Variants in ZNF521 observed in about 807,000 individuals in gnomAD.
ZNF521 encodes the protein zinc finger protein 521, also known as LYST-interacting protein 3.
In ZNF521, 14 loss-of-function variants were observed where a neutral mutation model predicts 105.5. The ratio of observed to expected loss-of-function variants is 0.13; its 90% CI spans 0.09 to 0.21. The LOEUF (loss-of-function observed/expected upper bound fraction) is 0.21. Among genes scored for constraint, ZNF521 ranks in the 10% least tolerant of loss-of-function variants. The probability of loss-of-function intolerance (pLI) is 1.00; values close to 1 mark genes in which losing one functional copy is unlikely to be tolerated. For synonymous variants in ZNF521, 635 were observed against 606.0 expected (o/e 1.05, Z -0.70); for missense variants, 1,233 against 1,629.7 (o/e 0.76, Z 4.19).
chr18:25,229,932 C>T (rs973125520), intron 3 of ZNF521, among the ~76,000 whole-genome samples: 2 of 152,138 alleles, frequency 1.3e-5, no homozygotes, highest in African/African-American at 2.4e-5. Flanking sequence ...TTTACAAATA[C>T]ATAAAGAATT....
intron 5 of ZNF521, among the ~76,000 whole-genome samples, chr18:25,105,686 C>A (rs1162124286): frequency 6.6e-6 from 1 of 152,102 alleles, no homozygotes; most frequent in Non-Finnish European, 1.5e-5. Flanking sequence ...TACTGATTTG[C>A]TTGAAGTGAT....
At position 25,062,689 on chromosome 18, in the gene ZNF521, C is replaced by T; in HGVS notation, c.*23G>A. 6.9e-7 allele frequency: 1 copy of T among 1,452,218 alleles called. No individual in the cohort carries two copies. Among genetic ancestry groups the T allele is most frequent in the South Asian group, 1.2e-5 (1 of 85,118 alleles). The allele number at this position is 1,452,218 out of a possible 1,614,324, so 90.0% of individuals were successfully genotyped here. On this transcript the variant is annotated 3_prime_UTR_variant, in exon 8 of 8. Transcript: ENST00000361524. ...CCCTTTTTGTGCCACAAAATCAATT[C>T]TCCTTGAGAGACTGTACTTGCACTA... is the stretch of plus-strand genomic sequence containing the variant.
intron 5 of ZNF521, among the ~76,000 whole-genome samples, chr18:25,130,760 T>C (rs939049883): frequency 3.3e-5 from 5 of 151,970 alleles, no homozygotes; most frequent in Admixed American, 6.6e-5. Context: ...CTGGGCAACA[T>C]AGCGAGACCC....
intron 2 of ZNF521, among the ~76,000 whole-genome samples, chr18:25,338,259 T>TTTTGTGTGTGTGTGTG (rs1555666852): frequency 7.3e-6 from 1 of 136,510 alleles, no homozygotes; most frequent in African/African-American, 2.7e-5. Flanking sequence ...TCATAGACTT[T>TTTTGTGTGTGTGTGTG]TGTGTGTGTG....
chr18:25,114,043 T>C (rs191860267), intron 5 of ZNF521, among the ~76,000 whole-genome samples: 149 of 152,266 alleles, frequency 9.8e-4, no homozygotes, highest in African/African-American at 3.4e-3. Flanking sequence ...TGCACTGTTA[T>C]TCACAGACCA....
chr18:25,165,621 G>A (rs1249609919), intron 5 of ZNF521, among the ~76,000 whole-genome samples: 1 of 152,186 alleles, frequency 6.6e-6, no homozygotes, highest in Non-Finnish European at 1.5e-5. Flanking sequence ...CTCCTACAAG[G>A]TGCTTTGTAC....
intron 5 of ZNF521, among the ~76,000 whole-genome samples, chr18:25,159,158 G>C (rs965802806): frequency 3.9e-5 from 6 of 152,104 alleles, no homozygotes; most frequent in Admixed American, 2.0e-4. Flanking sequence ...TGCAACTTTA[G>C]GATATGGTTA....
intron 3 of ZNF521, among the ~76,000 whole-genome samples, chr18:25,284,435 G>GT (rs1475934975): frequency 6.6e-6 from 1 of 152,142 alleles, no homozygotes; most frequent in African/African-American, 2.4e-5. Flanking sequence ...TTGATGAAAT[G>GT]TAGCAGCAGC....
intron 2 of ZNF521, among the ~76,000 whole-genome samples, chr18:25,339,212 T>C (rs908763595): frequency 2.0e-5 from 3 of 152,246 alleles, no homozygotes; most frequent in African/African-American, 7.2e-5. Flanking sequence ...GCACATAATA[T>C]GTCTTCATAG....
intron 7 of ZNF521, among the ~76,000 whole-genome samples, chr18:25,067,925 G>A (rs1188037871): frequency 6.6e-6 from 1 of 152,100 alleles, no homozygotes; most frequent in African/African-American, 2.4e-5. Context: ...GAAATCTGTT[G>A]ATTCAAAGAT....
At chr18:25,109,629 C>T (rs6508349) in intron 5 of ZNF521, among the ~76,000 whole-genome samples, 149,577 of 152,332 alleles carry the variant, frequency 0.98, 73,484 homozygotes, top group East Asian at 1. Flanking sequence ...TTTTGACTTT[C>T]TAATAATACC....
intron 3 of ZNF521, among the ~76,000 whole-genome samples, chr18:25,263,422 A>G (rs1042203317): frequency 6.6e-6 from 1 of 151,862 alleles, no homozygotes; most frequent in African/African-American, 2.4e-5. Flanking sequence ...CAGTGGCACG[A>G]TCTTGGCTCA....
intron 5 of ZNF521, among the ~76,000 whole-genome samples, chr18:25,194,050 G>C (rs922231560): frequency 6.6e-6 from 1 of 151,664 alleles, no homozygotes; most frequent in Admixed American, 6.6e-5. Context: ...TAGCTTTAAT[G>C]ATCAGAAATG....
At chr18:25,074,942 C>T (rs796725201) in intron 7 of ZNF521, among the ~76,000 whole-genome samples, 6 of 152,194 alleles carry the variant, frequency 3.9e-5, no homozygotes, top group African/African-American at 1.4e-4. Flanking sequence ...TAATTTGCTA[C>T]TCCAAGTTAA....
At chr18:25,236,498 T>C (rs1288567492) in intron 3 of ZNF521, among the ~76,000 whole-genome samples, 1 of 149,696 alleles carries the variant, frequency 6.7e-6, no homozygotes, top group Admixed American at 6.7e-5. Context: ...ATCACGCCAC[T>C]GCAGTCCAGC....
intron 2 of ZNF521, among the ~76,000 whole-genome samples, chr18:25,336,572 G>A (rs1913891847): frequency 6.6e-6 from 1 of 152,178 alleles, no homozygotes; most frequent in Admixed American, 6.5e-5. Flanking sequence ...AATTTCTGCA[G>A]TAATTTTTCT....
In ZNF521 at chr18:25,205,065, A is replaced by G. The variant is rs184266400; in HGVS notation, c.3574-9821T>C. 6.5e-4 allele frequency among the ~76,000 whole-genome samples: 95 copies of G among 147,222 alleles called. 1 individual carries two copies. The Admixed American group carries it at 6.7e-3, about 10-fold the overall frequency. Reference sequence around the variant, plus strand: ...TCTATTTCTGCTTGCAAAACTGCCTACCCCCTTACACAGCACCAGAAATCA... The same window carrying G: ...TCTATTTCTGCTTGCAAAACTGCCTGCCCCCTTACACAGCACCAGAAATCA... On this transcript the variant is annotated intron_variant, in intron 4 of 7. Coordinates refer to ENST00000361524, the MANE Select transcript of ZNF521 (RefSeq NM_015461.3).
chr18:25,101,184 C>T (rs979428000), intron 5 of ZNF521, among the ~76,000 whole-genome samples: 5 of 152,002 alleles, frequency 3.3e-5, no homozygotes, highest in African/African-American at 1.2e-4. Flanking sequence ...TACAGTTGGC[C>T]CTAGAACAAC....
chr18:25,168,964 TG>T (rs2035400483), intron 5 of ZNF521, among the ~76,000 whole-genome samples: 1 of 151,992 alleles, frequency 6.6e-6, no homozygotes, highest in African/African-American at 2.4e-5. Context: ...GGTGTGTGTG[TG>T]TGTGTGTGTG....
Sources: gnomAD v4.1 joint callset for allele counts (sites outside exome capture counted in the v4.1 genomes callset) on GRCh38, gnomAD v4.1.1 for gene constraint, MANE v1.5 for transcripts, NCBI Gene and HGNC (gene_info 2026-07-23, HGNC 2026-07-21) for gene names.